Variants in BRMS1L observed in about 807,000 individuals in gnomAD.
BRMS1L encodes breast cancer metastasis-suppressor 1-like protein.
Under a neutral mutation model 50.3 loss-of-function variants are expected in BRMS1L, and 23 were observed. The ratio of observed to expected loss-of-function variants is 0.46; its 90% CI spans 0.33 to 0.65. The LOEUF (loss-of-function observed/expected upper bound fraction) is 0.65, where lower values mean the gene tolerates loss of function less well. Ranked by LOEUF, BRMS1L falls within the 30% of genes least tolerant of loss-of-function variation. The probability of loss-of-function intolerance (pLI) is 0.02; values close to 1 mark genes in which losing one functional copy is unlikely to be tolerated. For missense variants in BRMS1L, 286 were observed against 386.1 expected (o/e 0.74, Z 2.17); for synonymous variants, 114 against 126.9 (o/e 0.90, Z 0.69).
At chr14:35,856,384 T>TGG (rs1555315045) in intron 4 of BRMS1L, among the ~76,000 whole-genome samples, 1 of 152,164 alleles carries the variant, frequency 6.6e-6, no homozygotes, top group Non-Finnish European at 1.5e-5. Flanking sequence ...TGACGGCAGG[T>TGG]GGTAGCAAGG....
intron 5 of BRMS1L, among the ~76,000 whole-genome samples, chr14:35,862,912 ACAGAAGTATGACAGGAACCTACTGG>A (rs2078371721): frequency 6.6e-6 from 1 of 152,164 alleles, no homozygotes; most frequent in South Asian, 2.1e-4. Context: ...AAGGGACGAA[ACAGAAGTATGACAGGAACCTACTGG>A]CAGAATAGTG....
intron 1 of BRMS1L, 196 bp downstream of exon 1, chr14:35,826,854 G>C: frequency 1.3e-6 from 1 of 749,188 alleles, no homozygotes; most frequent in South Asian, 2.0e-5. Context: ...TCCCGGCGGC[G>C]GGGCGGGGCG....
At chr14:35,868,133 G>GT in intron 9 of BRMS1L, 101 bp downstream of exon 9, 1 of 1,205,030 alleles carries the variant, frequency 8.3e-7, no homozygotes, top group Non-Finnish European at 1.1e-6. Context: ...TATATCATTA[G>GT]TTGCTTGTGG....
At chr14:35,869,150 T>C (rs2078457074) in intron 9 of BRMS1L, among the ~76,000 whole-genome samples, 1 of 152,210 alleles carries the variant, frequency 6.6e-6, no homozygotes, top group Non-Finnish European at 1.5e-5. Context: ...ATAACTTTTC[T>C]TATAGAAGCT....
intron 4 of BRMS1L, among the ~76,000 whole-genome samples, chr14:35,835,292 TTCTG>T (rs1368999944): frequency 6.6e-6 from 1 of 152,240 alleles, no homozygotes; most frequent in East Asian, 1.9e-4. Flanking sequence ...TAGAATTAGT[TTCTG>T]TCTGTCTAGA....
intron 8 of BRMS1L, among the ~76,000 whole-genome samples, chr14:35,866,548 T>G (rs1052538216): frequency 6.6e-6 from 1 of 151,936 alleles, no homozygotes; most frequent in Non-Finnish European, 1.5e-5. Flanking sequence ...TACAAAAAAA[T>G]ACAAAAATTA....
At chr14:35,833,194 A>G in intron 3 of BRMS1L, 89 bp downstream of exon 3, 1 of 1,329,098 alleles carries the variant, frequency 7.5e-7, no homozygotes, top group Non-Finnish European at 1.0e-6. Flanking sequence ...TTTTATGTTG[A>G]TGGGATTACA....
chr14:35,864,665 C>T lies in BRMS1L; in HGVS notation c.623-270C>T, dbSNP rs567011993. ...TACCATCCCTCTACCCCCATCTTTT[C>T]CCCTCCACCTTAAAAACCAGTGATT... On this transcript the variant is annotated intron_variant, in intron 6 of 9. Transcript: ENST00000216807. Among the ~76,000 whole-genome samples the T allele has an allele frequency of 2.4e-3, 360 of 152,266 alleles. 1 individual carries two copies. Among genetic ancestry groups the T allele is most frequent in the African/African-American group, 8.2e-3 (342 of 41,548 alleles).
intron 6 of BRMS1L, among the ~76,000 whole-genome samples, chr14:35,864,556 G>A (rs565053747): frequency 6.6e-6 from 1 of 152,070 alleles, no homozygotes; most frequent in African/African-American, 2.4e-5. Context: ...GCCTAGCCTC[G>A]TATACTTTTT....
intron 4 of BRMS1L, among the ~76,000 whole-genome samples, chr14:35,845,736 C>T (rs1178896689): frequency 6.6e-6 from 1 of 152,118 alleles, no homozygotes; most frequent in Non-Finnish European, 1.5e-5. Flanking sequence ...TTGTGATATA[C>T]ACATACACAC....
intron 4 of BRMS1L, among the ~76,000 whole-genome samples, chr14:35,855,543 C>T (rs1306960807): frequency 1.3e-5 from 2 of 152,056 alleles, no homozygotes; most frequent in African/African-American, 4.8e-5. Context: ...ACACATTGGT[C>T]TTCTTCTCTT....
chr14:35,844,681 C>T (rs142283495), intron 4 of BRMS1L, among the ~76,000 whole-genome samples: 210 of 152,264 alleles, frequency 1.4e-3, no homozygotes, highest in Non-Finnish European at 2.1e-3. Flanking sequence ...TGGTGATGCG[C>T]GCCTGTAGTT....
intron 4 of BRMS1L, among the ~76,000 whole-genome samples, chr14:35,857,613 G>T (rs917405981): frequency 6.6e-6 from 1 of 151,914 alleles, no homozygotes; most frequent in African/African-American, 2.4e-5. Flanking sequence ...GAGCCACTGC[G>T]CCTGGCCCTC....
chr14:35,870,318 A>G (rs1479537799), intron 9 of BRMS1L, 42 bp from the exon 10 acceptor site: 1 of 1,211,436 alleles, frequency 8.3e-7, no homozygotes, highest in African/African-American at 1.5e-5. Flanking sequence ...AATTGAGGAG[A>G]CATTGTAATT....
Position 35,867,585 on chromosome 14 carries a change from G to A in BRMS1L, c.728-321G>A, listed in dbSNP as rs368081834. Among the ~76,000 whole-genome samples, 180 of 152,232 alleles carry A rather than the reference G, an allele frequency of 1.2e-3. 2 individuals carry two copies. In the South Asian group the frequency reaches 0.036, roughly 30 times the overall value. On this transcript the variant is annotated intron_variant, in intron 8 of 9. Coordinates refer to ENST00000216807, the MANE Select transcript of BRMS1L (RefSeq NM_032352.4). ...AAGTATAATTTTCAATTGAAATATG[G>A]CAATTGATATTTTAAATACTACTTA...
intron 4 of BRMS1L, among the ~76,000 whole-genome samples, chr14:35,847,462 C>T (rs2078150899): frequency 6.6e-6 from 1 of 152,120 alleles, no homozygotes; most frequent in Non-Finnish European, 1.5e-5. Context: ...CTGTGCCCAG[C>T]TAATTTTTAA....
chr14:35,856,455 A>C (rs1486261913), intron 4 of BRMS1L, among the ~76,000 whole-genome samples: 12 of 152,296 alleles, frequency 7.9e-5, no homozygotes, highest in South Asian at 4.1e-4. Flanking sequence ...GCTGAAAACT[A>C]TTCGGGGTTC....
At chr14:35,830,842 A>C (rs2060623615) in intron 1 of BRMS1L, among the ~76,000 whole-genome samples, 1 of 152,168 alleles carries the variant, frequency 6.6e-6, no homozygotes, top group African/African-American at 2.4e-5. Context: ...GCTTATAGTC[A>C]GTCCTTTAAA....
At chr14:35,826,683 T>C (rs1266131785) in intron 1 of BRMS1L, 25 bp downstream of exon 1, 3 of 1,605,388 alleles carry the variant, frequency 1.9e-6, no homozygotes, top group Middle Eastern at 1.8e-4. Flanking sequence ...GCTGGGACCC[T>C]GAGTCCCCGC....
Sources: gnomAD v4.1 joint callset for allele counts (sites outside exome capture counted in the v4.1 genomes callset) on GRCh38, gnomAD v4.1.1 for gene constraint, MANE v1.5 for transcripts, NCBI Gene and HGNC (gene_info 2026-07-23, HGNC 2026-07-21) for gene names.